GRID2: variants seen among roughly 807,000 people sequenced by gnomAD.
GRID2 encodes the protein glutamate receptor ionotropic, delta-2.
In GRID2, 33 loss-of-function variants were observed where a neutral mutation model predicts 114.8. That is an observed-to-expected ratio of 0.29 (90% CI 0.22 to 0.38). The LOEUF (loss-of-function observed/expected upper bound fraction) is 0.38. Ranked by LOEUF, GRID2 falls within the 10% of genes least tolerant of loss-of-function variation. The pLI is 1.00. For synonymous variants in GRID2, 505 were observed against 449.9 expected, an observed-to-expected ratio of 1.12 and a Z score of -1.55; for missense variants, 1,184 against 1,257.7, an observed-to-expected ratio of 0.94 and a Z score of 0.89.
At chr4:92,974,940 A>G (rs983792217) in intron 2 of GRID2, among the ~76,000 whole-genome samples, 2 of 88,806 alleles carry the variant, frequency 2.3e-5, no homozygotes, top group South Asian at 3.1e-4. Flanking sequence ...GGCGGATCAC[A>G]AGGTCAGGAG....
chr4:92,825,229 C>G (rs1212324204), intron 2 of GRID2, among the ~76,000 whole-genome samples: 1 of 151,934 alleles, frequency 6.6e-6, no homozygotes, highest in East Asian at 1.9e-4. Context: ...GCGCAAATTA[C>G]AATAAAAAAT....
chr4:92,682,625 A>G (rs1733703774), intron 2 of GRID2, among the ~76,000 whole-genome samples: 1 of 151,672 alleles, frequency 6.6e-6, no homozygotes, highest in Admixed American at 6.6e-5. Flanking sequence ...CCCAGGGGCA[A>G]TCAGCCTTTT....
chr4:92,967,020 G>A (rs765994059), intron 2 of GRID2, among the ~76,000 whole-genome samples: 2 of 151,830 alleles, frequency 1.3e-5, no homozygotes, highest in Non-Finnish European at 2.9e-5. Flanking sequence ...ATTCACACAG[G>A]TCAGAAGGGA....
intron 13 of GRID2, among the ~76,000 whole-genome samples, chr4:93,594,174 A>G (rs1307462932): frequency 6.7e-6 from 1 of 149,210 alleles, no homozygotes; most frequent in Non-Finnish European, 1.5e-5. Context: ...TCTTTTCCCC[A>G]TCTTTGTGGT....
At chr4:92,312,047 T>A (rs144256688) in intron 1 of GRID2, among the ~76,000 whole-genome samples, 7 of 151,912 alleles carry the variant, frequency 4.6e-5, no homozygotes, top group African/African-American at 1.7e-4. Context: ...GTGAACCATG[T>A]GGATATCTGA....
chr4:93,481,027 A>G (rs1725813535), intron 11 of GRID2, among the ~76,000 whole-genome samples: 1 of 152,080 alleles, frequency 6.6e-6, no homozygotes, highest in Non-Finnish European at 1.5e-5. Context: ...TCAAGTCAGC[A>G]CATTAAATCC....
intron 9 of GRID2, among the ~76,000 whole-genome samples, chr4:93,408,994 G>A (rs189137338): frequency 6.6e-6 from 1 of 152,262 alleles, no homozygotes; most frequent in Admixed American, 6.5e-5. Flanking sequence ...CTGAAATAGT[G>A]AGGGTAGTGT....
chr4:92,677,959 G>T (rs1297175864), intron 2 of GRID2, among the ~76,000 whole-genome samples: 1 of 151,934 alleles, frequency 6.6e-6, no homozygotes, highest in Non-Finnish European at 1.5e-5. Context: ...ATGAAATCCA[G>T]TCATTCCTTA....
At chr4:92,598,825 A>G (rs1300193272) in intron 2 of GRID2, among the ~76,000 whole-genome samples, 1 of 152,066 alleles carries the variant, frequency 6.6e-6, no homozygotes, top group Admixed American at 6.5e-5. Context: ...GTACCATTGC[A>G]TGTGTCCCTC....
chr4:93,189,877 G>C (rs369525869), intron 4 of GRID2, among the ~76,000 whole-genome samples: 36 of 150,502 alleles, frequency 2.4e-4, no homozygotes, highest in African/African-American at 8.8e-4. Context: ...TGCTCCAAAA[G>C]TGTGTATAAA....
intron 8 of GRID2, among the ~76,000 whole-genome samples, chr4:93,282,742 G>A (rs1006994177): frequency 6.6e-5 from 10 of 151,990 alleles, no homozygotes; most frequent in African/African-American, 1.2e-4. Flanking sequence ...CCTGAGGCTA[G>A]GTAATTTATA....
At chr4:92,936,524 T>G (rs1750684088) in intron 2 of GRID2, among the ~76,000 whole-genome samples, 1 of 146,386 alleles carries the variant, frequency 6.8e-6, no homozygotes. Flanking sequence ...ATGAAATTAT[T>G]ATCTAGTATT....
intron 2 of GRID2, among the ~76,000 whole-genome samples, chr4:92,997,539 T>C (rs776886320): frequency 6.6e-6 from 1 of 152,114 alleles, no homozygotes; most frequent in Non-Finnish European, 1.5e-5. Flanking sequence ...TGGAAGAAAT[T>C]GTTATAGCAC....
At chr4:93,035,453 AG>A (rs1724847691) in intron 2 of GRID2, among the ~76,000 whole-genome samples, 1 of 151,964 alleles carries the variant, frequency 6.6e-6, no homozygotes, top group South Asian at 2.1e-4. Flanking sequence ...TTATTGTTTG[AG>A]CAATGAGTTA....
chr4:92,575,489 G>A (rs536473170), intron 1 of GRID2, among the ~76,000 whole-genome samples: 3 of 152,122 alleles, frequency 2.0e-5, no homozygotes, highest in Non-Finnish European at 2.9e-5. Context: ...ACTTTTCGAT[G>A]GGTTTTTTTG....
At chr4:92,367,629 T>C (rs1018817610) in intron 1 of GRID2, among the ~76,000 whole-genome samples, 6 of 152,012 alleles carry the variant, frequency 3.9e-5, no homozygotes, top group Admixed American at 6.6e-5. Context: ...TAAAGGGAGA[T>C]GTGTAGCTGT....
intron 1 of GRID2, among the ~76,000 whole-genome samples, chr4:92,576,609 A>G (rs1727908595): frequency 6.6e-6 from 1 of 152,022 alleles, no homozygotes; most frequent in Admixed American, 6.6e-5. Flanking sequence ...AAGCTCCTGG[A>G]TCTCTGCATG....
At chr4:93,696,869 C>T (rs879863540) in intron 14 of GRID2, among the ~76,000 whole-genome samples, 14 of 152,038 alleles carry the variant, frequency 9.2e-5, no homozygotes, top group Non-Finnish European at 1.3e-4. Flanking sequence ...TAGTATTTTA[C>T]GCGTATTAAT....
At chr4:93,615,638 C>CA (rs528767394) in intron 13 of GRID2, among the ~76,000 whole-genome samples, 3,660 of 146,106 alleles carry the variant, frequency 0.025, 152 homozygotes, top group African/African-American at 0.087. Context: ...GGCCTTCACC[C>CA]CAAAAAAAAA....
Sources: gnomAD v4.1 joint callset for allele counts (sites outside exome capture counted in the v4.1 genomes callset) on GRCh38, gnomAD v4.1.1 for gene constraint, MANE v1.5 for transcripts, NCBI Gene and HGNC (gene_info 2026-07-23, HGNC 2026-07-21) for gene names.